Variants in ANOS1 observed in about 807,000 individuals in gnomAD.
ANOS1 encodes anosmin-1.
Under a neutral mutation model 59.0 loss-of-function variants are expected in ANOS1, and 6 were observed. The ratio of observed to expected loss-of-function variants is 0.10; its 90% confidence interval spans 0.06 to 0.20. The LOEUF (loss-of-function observed/expected upper bound fraction) is 0.20, where lower values mean the gene tolerates loss of function less well. Among genes scored for constraint, ANOS1 ranks in the 10% least tolerant of loss-of-function variants. The pLI, the probability that ANOS1 is intolerant of heterozygous loss-of-function variation, is 1.00. For missense variants in ANOS1, 433 were observed against 542.3 expected (o/e 0.80, Z 2.00); for synonymous variants, 217 against 223.4 (o/e 0.97, Z 0.25).
chrX:8,711,633 A>T (rs1018327438), intron 1 of ANOS1, among the ~76,000 whole-genome samples: 1 of 112,718 alleles, frequency 8.9e-6, no homozygotes, highest in African/African-American at 3.2e-5. Flanking sequence ...CTTTGCACAC[A>T]AGGAGTGACT....
intron 11 of ANOS1, among the ~76,000 whole-genome samples, chrX:8,536,031 C>T (rs766593295): frequency 9.0e-6 from 1 of 110,596 alleles, no homozygotes; most frequent in African/African-American, 3.3e-5. Flanking sequence ...AATGCTTCTT[C>T]CAGTCTTTTG....
intron 2 of ANOS1, among the ~76,000 whole-genome samples, chrX:8,653,368 G>C (rs1282365983): frequency 1.8e-5 from 2 of 110,687 alleles, no homozygotes; most frequent in Non-Finnish European, 3.8e-5. Flanking sequence ...CATTTTGCTT[G>C]GATGCTCTCC....
intron 1 of ANOS1, among the ~76,000 whole-genome samples, chrX:8,701,931 T>C (rs897542663): frequency 8.9e-6 from 1 of 111,940 alleles, no homozygotes. Context: ...GCTTTAACTA[T>C]GAAACCTCTC....
chrX:8,560,241 G>A (rs2284307), intron 8 of ANOS1, among the ~76,000 whole-genome samples: 36,342 of 110,262 alleles, frequency 0.33, 4,936 homozygotes, highest in Admixed American at 0.48. Context: ...GTAGTTAGCA[G>A]TATAGGTACA....
At chrX:8,536,635 T>C (rs1024211786) in intron 11 of ANOS1, 136 bp downstream of exon 11, 2 of 519,590 alleles carry the variant, frequency 3.8e-6, no homozygotes, top group Non-Finnish European at 6.9e-6. Flanking sequence ...CCCTCCACAT[T>C]GGGCCATCAT....
intron 2 of ANOS1, among the ~76,000 whole-genome samples, chrX:8,689,839 G>A (rs1932580380): frequency 9.1e-6 from 1 of 109,979 alleles, no homozygotes; most frequent in African/African-American, 3.3e-5. Flanking sequence ...AGCACAAAAC[G>A]CCAAGGCTAC....
At chrX:8,699,486 A>C (rs777921742) in intron 2 of ANOS1, among the ~76,000 whole-genome samples, 1 of 111,951 alleles carries the variant, frequency 8.9e-6, no homozygotes, top group Non-Finnish European at 1.9e-5. Context: ...ATCCAATCTT[A>C]CACATGATAA....
intron 1 of ANOS1, among the ~76,000 whole-genome samples, chrX:8,701,323 G>T (rs961702631): frequency 1.2e-4 from 14 of 112,021 alleles, no homozygotes; most frequent in African/African-American, 4.5e-4. Context: ...ATATATGTTT[G>T]CAGTTATGAG....
chrX:8,655,591 C>T (rs930746278), intron 2 of ANOS1, among the ~76,000 whole-genome samples: 3 of 111,323 alleles, frequency 2.7e-5, no homozygotes, highest in Admixed American at 9.6e-5. Context: ...ACAGAGACAA[C>T]TCTGTCCCAG....
chrX:8,624,011 C>CT (rs566769185), intron 2 of ANOS1, among the ~76,000 whole-genome samples: 2,478 of 69,211 alleles, frequency 0.036, 50 homozygotes, highest in African/African-American at 0.054. Context: ...CTTTTCTTTT[C>CT]TTTTTTTTTT....
At chrX:8,634,528 G>A (rs1333603397) in intron 2 of ANOS1, among the ~76,000 whole-genome samples, 2 of 111,455 alleles carry the variant, frequency 1.8e-5, no homozygotes, top group African/African-American at 6.5e-5. Context: ...GCCTGTGGCT[G>A]CTTTTGCACT....
intron 2 of ANOS1, among the ~76,000 whole-genome samples, chrX:8,676,213 T>C (rs1932335651): frequency 9.0e-6 from 1 of 111,468 alleles, no homozygotes; most frequent in South Asian, 3.8e-4. Context: ...AAACTAAATT[T>C]TAGTATTGGG....
intron 2 of ANOS1, among the ~76,000 whole-genome samples, chrX:8,653,783 C>G (rs1013105055): frequency 1.8e-5 from 2 of 111,847 alleles, no homozygotes; most frequent in Non-Finnish European, 3.8e-5. Context: ...TGGTATGTGT[C>G]TGTCTTTTCA....
At chrX:8,607,078 T>C (rs1255518637) in intron 3 of ANOS1, among the ~76,000 whole-genome samples, 6 of 111,825 alleles carry the variant, frequency 5.4e-5, no homozygotes, top group African/African-American at 2.0e-4. Context: ...GATTGCACAA[T>C]TGCACTCCGG....
At chrX:8,664,649 C>A (rs747891990) in intron 2 of ANOS1, among the ~76,000 whole-genome samples, 2 of 111,255 alleles carry the variant, frequency 1.8e-5, no homozygotes, top group East Asian at 5.6e-4. Context: ...AACAAATTCA[C>A]CCTCCCTTGA....
chrX:8,626,421 T>C (rs763838292), intron 2 of ANOS1, among the ~76,000 whole-genome samples: 2 of 111,740 alleles, frequency 1.8e-5, no homozygotes, highest in Non-Finnish European at 3.8e-5. Flanking sequence ...ACTTGAGCTC[T>C]TTAATAATTC....
At chrX:8,699,219 C>T (rs1015570459) in intron 2 of ANOS1, among the ~76,000 whole-genome samples, 1 of 111,279 alleles carries the variant, frequency 9.0e-6, no homozygotes, top group Non-Finnish European at 1.9e-5. Context: ...CTTTAGTGTG[C>T]AGCAAAGAAT....
In ANOS1 at chrX:8,585,234, T is replaced by C. The variant is rs771310770; in HGVS notation, c.856+33A>G. The stretch of plus-strand genomic sequence containing the variant: ...CATGTGTGCCTGGTAGCAAGGATAG[T>C]ATTCTGTGTCTGGGAAGAAAAGGAA... On this transcript the variant is annotated intron_variant, in intron 6 of 13. Coordinates refer to ENST00000262648, the MANE Select transcript of ANOS1 (RefSeq NM_000216.4). 7.5e-6 allele frequency: 9 copies of C among 1,196,990 alleles called. No individual in the cohort carries two copies. The Admixed American group carries it at 2.0e-4, about 26-fold the overall frequency.
intron 6 of ANOS1, among the ~76,000 whole-genome samples, chrX:8,571,373 C>T (rs1346637468): frequency 2.7e-5 from 3 of 111,036 alleles, no homozygotes; most frequent in African/African-American, 9.8e-5. Flanking sequence ...AATAGGTAAG[C>T]AACAAAGAAT....
Sources: gnomAD v4.1 joint callset for allele counts (sites outside exome capture counted in the v4.1 genomes callset) on GRCh38, gnomAD v4.1.1 for gene constraint, MANE v1.5 for transcripts, NCBI Gene and HGNC (gene_info 2026-07-23, HGNC 2026-07-21) for gene names.